Variants in YES1 observed in about 807,000 individuals in gnomAD.
The protein encoded by YES1 is tyrosine-protein kinase Yes.
In YES1, 39 loss-of-function variants were observed where a neutral mutation model predicts 70.4. That is an observed-to-expected ratio of 0.55 (90% CI 0.43 to 0.72). YES1 has a LOEUF of 0.72. YES1 is among the 30% of genes least tolerant of loss of function. The pLI is 0.00. For missense variants in YES1, 495 were observed against 644.8 expected (o/e 0.77, Z 2.52); for synonymous variants, 198 against 218.6 (o/e 0.91, Z 0.83).
At chr18:765,777 G>C (rs536104736) in intron 1 of YES1, among the ~76,000 whole-genome samples, 6 of 152,254 alleles carry the variant, frequency 3.9e-5, no homozygotes, top group Admixed American at 1.3e-4. Context: ...TAGTGTTAAA[G>C]ACAAAATCAA....
At chr18:738,617 G>T (rs2080180246) in intron 9 of YES1, 1 of 149,218 alleles carries the variant, frequency 6.7e-6, no homozygotes, top group Admixed American at 6.8e-5. Flanking sequence ...GTGAACCTGG[G>T]AGATGGAGCT....
At chr18:747,257 G>A (rs531316443) in intron 4 of YES1, among the ~76,000 whole-genome samples, 6 of 152,332 alleles carry the variant, frequency 3.9e-5, no homozygotes, top group Admixed American at 3.3e-4. Context: ...ATCACTTGAG[G>A]TCAGGAGTTT....
intron 11 of YES1, among the ~76,000 whole-genome samples, chr18:731,545 T>G (rs62091709): frequency 6.6e-6 from 1 of 152,258 alleles, no homozygotes; most frequent in South Asian, 2.1e-4. Flanking sequence ...GATTAAATTT[T>G]ATATGCTTTC....
intron 3 of YES1, among the ~76,000 whole-genome samples, chr18:751,156 G>A (rs1458344791): frequency 2.6e-5 from 4 of 152,142 alleles, no homozygotes; most frequent in African/African-American, 9.7e-5. Flanking sequence ...TATATATTTT[G>A]AGAAGTTACA....
chr18:748,950 C>G (rs1454724906), intron 3 of YES1, among the ~76,000 whole-genome samples: 2 of 151,938 alleles, frequency 1.3e-5, no homozygotes, highest in Non-Finnish European at 2.9e-5. Flanking sequence ...CACCTGAGGT[C>G]CAGAGTTCAA....
At chr18:804,331 G>A (rs535422360) in intron 1 of YES1, among the ~76,000 whole-genome samples, 1 of 152,186 alleles carries the variant, frequency 6.6e-6, no homozygotes, top group South Asian at 2.1e-4. Flanking sequence ...ATCTGGGCTA[G>A]GCACAGTGGC....
At chr18:776,199 T>C (rs1404363748) in intron 1 of YES1, among the ~76,000 whole-genome samples, 1 of 64,282 alleles carries the variant, frequency 1.6e-5, no homozygotes, top group Non-Finnish European at 3.0e-5. Flanking sequence ...ATACTCGATC[T>C]TTTTTTTTTT....
intron 1 of YES1, among the ~76,000 whole-genome samples, chr18:808,634 C>T (rs1907219556): frequency 6.6e-6 from 1 of 152,196 alleles, no homozygotes; most frequent in Non-Finnish European, 1.5e-5. Context: ...ACAAAGCGTG[C>T]ACCACAAACA....
chr18:781,802 T>C (rs1905683859), intron 1 of YES1, among the ~76,000 whole-genome samples: 1 of 152,194 alleles, frequency 6.6e-6, no homozygotes, highest in South Asian at 2.1e-4. Flanking sequence ...CTTGCAAGGT[T>C]GTAAGAATTA....
chr18:764,501 C>T (rs1429767786), intron 1 of YES1, among the ~76,000 whole-genome samples: 10 of 152,090 alleles, frequency 6.6e-5, no homozygotes, highest in African/African-American at 1.7e-4. Flanking sequence ...GGATTACAGG[C>T]GTGAGCCACC....
At chr18:770,963 A>G (rs531517642) in intron 1 of YES1, among the ~76,000 whole-genome samples, 5 of 151,624 alleles carry the variant, frequency 3.3e-5, no homozygotes, top group African/African-American at 1.2e-4. Context: ...GACAGTAGGT[A>G]CCACCGCACT....
chr18:779,871 A>C lies in YES1; in HGVS notation c.-8-23036T>G, dbSNP rs932373395. ...TTAATTGGGGTTTTAAACTTTAAAAACATCATCCACTTGTTTCTATAACAA... is the reference window on the plus strand; with the variant it reads ...TTAATTGGGGTTTTAAACTTTAAAACCATCATCCACTTGTTTCTATAACAA... On this transcript the variant is annotated intron_variant, in intron 1 of 11. Coordinates refer to ENST00000314574, the MANE Select transcript of YES1 (RefSeq NM_005433.4). Among the ~76,000 whole-genome samples, 70 of 151,758 alleles carry C rather than the reference A, an allele frequency of 4.6e-4. 1 individual carries two copies. Among genetic ancestry groups the C allele is most frequent in the African/African-American group, 1.5e-3 (62 of 41,444 alleles).
intron 1 of YES1, among the ~76,000 whole-genome samples, chr18:781,873 G>C (rs1015139202): frequency 6.6e-6 from 1 of 152,248 alleles, no homozygotes; most frequent in African/African-American, 2.4e-5. Context: ...GTTTGCCTTG[G>C]TTAAGACTTA....
rs1221542674 is a variant in YES1, at chr18:721,900, C to T, written c.*2524G>A. On this transcript the variant is annotated 3_prime_UTR_variant, in exon 12 of 12. Coordinates refer to ENST00000314574, the MANE Select transcript of YES1 (RefSeq NM_005433.4). ...TTCCTTTTTTGGTAAGGGTTAACTT[C>T]CACATTAAGACACTGAAGACGAAAA... The T allele has an allele frequency of 6.6e-6, 1 of 152,584 alleles. No individual in the cohort carries two copies. The highest frequency in any genetic ancestry group is 2.4e-5 in the African/African-American group (1 of 41,426). The allele number at this position is 152,584 out of a possible 1,614,324, so 9.5% of individuals were successfully genotyped here.
chr18:780,010 G>C (rs1410584781), intron 1 of YES1, among the ~76,000 whole-genome samples: 1 of 151,784 alleles, frequency 6.6e-6, no homozygotes, highest in Non-Finnish European at 1.5e-5. Flanking sequence ...GAGGAGGGTA[G>C]ATTACCTGAG....
chr18:732,823 T>C lies in YES1; in HGVS notation c.1423+11A>G. On this transcript the variant is annotated intron_variant, in intron 11 of 11. Transcript: ENST00000314574. Reference sequence around the variant, plus strand: ...CATGAGATAACCAAGAGCTATAAAATGCAAGCTTACCTGGATATGGCACTC... The same window carrying C: ...CATGAGATAACCAAGAGCTATAAAACGCAAGCTTACCTGGATATGGCACTC... The C allele has an allele frequency of 6.2e-7, 1 of 1,614,134 alleles. No individual in the cohort carries two copies. The highest frequency in any genetic ancestry group is 8.5e-7 in the Non-Finnish European group (1 of 1,179,972).
At chr18:763,724 A>G (rs1322582687) in intron 1 of YES1, among the ~76,000 whole-genome samples, 4 of 151,182 alleles carry the variant, frequency 2.6e-5, no homozygotes, top group Non-Finnish European at 5.9e-5. Flanking sequence ...AAAAAAAAAA[A>G]AGACGAGCTG....
At chr18:770,658 A>C (rs1319423739) in intron 1 of YES1, among the ~76,000 whole-genome samples, 1 of 152,128 alleles carries the variant, frequency 6.6e-6, no homozygotes, top group Non-Finnish European at 1.5e-5. Flanking sequence ...CCCCAGGCAA[A>C]AAGCCAGGGT....
intron 1 of YES1, among the ~76,000 whole-genome samples, chr18:803,886 G>T (rs1906949303): frequency 6.6e-6 from 1 of 152,178 alleles, no homozygotes; most frequent in African/African-American, 2.4e-5. Context: ...TTACCTATTT[G>T]TGAGGCTTTT....
Sources: allele counts gnomAD v4.1 joint callset (sites outside exome capture counted in the v4.1 genomes callset), GRCh38; gene constraint gnomAD v4.1.1; transcripts MANE v1.5; gene names NCBI Gene and HGNC (gene_info 2026-07-23, HGNC 2026-07-21).